SPATA16: variants seen among roughly 807,000 people sequenced by gnomAD.
The protein encoded by SPATA16 is spermatogenesis-associated protein 16.
SPATA16 carries 36 observed loss-of-function variants against 63.3 expected under a neutral mutation model. That is an observed-to-expected ratio of 0.57 (90% CI 0.44 to 0.75). The LOEUF (loss-of-function observed/expected upper bound fraction) is 0.75. SPATA16 is among the 30% of genes least tolerant of loss of function. SPATA16 has a pLI of 0.00. For synonymous variants in SPATA16, 203 were observed against 216.7 expected, an observed-to-expected ratio of 0.94 and a Z score of 0.56; for missense variants, 646 against 679.3, an observed-to-expected ratio of 0.95 and a Z score of 0.54.
chr3:173,052,991 T>C (rs1232466605), intron 2 of SPATA16, among the ~76,000 whole-genome samples: 2 of 152,174 alleles, frequency 1.3e-5, no homozygotes, highest in Non-Finnish European at 2.9e-5. Context: ...AAAGTCAATA[T>C]TTAAGGAAAA....
intron 5 of SPATA16, among the ~76,000 whole-genome samples, chr3:172,967,397 G>A (rs1733940467): frequency 6.6e-6 from 1 of 152,206 alleles, no homozygotes; most frequent in Non-Finnish European, 1.5e-5. Context: ...CATTTCTGAA[G>A]AAGATACAAA....
intron 4 of SPATA16, among the ~76,000 whole-genome samples, chr3:172,983,158 C>A (rs1389665135): frequency 6.6e-6 from 1 of 152,214 alleles, no homozygotes; most frequent in East Asian, 1.9e-4. Flanking sequence ...ATAGCATCTT[C>A]TGCAGTTTTA....
chr3:172,976,086 C>G (rs1734152711), intron 5 of SPATA16, among the ~76,000 whole-genome samples: 1 of 152,032 alleles, frequency 6.6e-6, no homozygotes, highest in South Asian at 2.1e-4. Context: ...TCCACACAGT[C>G]TGGAGAAGAG....
intron 5 of SPATA16, among the ~76,000 whole-genome samples, chr3:172,962,192 G>A (rs1223474710): frequency 7.0e-6 from 1 of 143,464 alleles, no homozygotes; most frequent in East Asian, 2.1e-4. Context: ...AGTGGAGGTT[G>A]CAGTGAGCAG....
At chr3:173,003,302 A>G (rs1734867384) in intron 4 of SPATA16, among the ~76,000 whole-genome samples, 1 of 152,196 alleles carries the variant, frequency 6.6e-6, no homozygotes. Flanking sequence ...TGCTCAGTAA[A>G]TATACTTAAT....
At chr3:172,984,589 C>T (rs960968409) in intron 4 of SPATA16, among the ~76,000 whole-genome samples, 1 of 152,154 alleles carries the variant, frequency 6.6e-6, no homozygotes, top group African/African-American at 2.4e-5. Flanking sequence ...TTGCCTGATT[C>T]TAATATCTGG....
chr3:173,046,572 C>T (rs1445928726), intron 3 of SPATA16, among the ~76,000 whole-genome samples: 1 of 151,892 alleles, frequency 6.6e-6, no homozygotes, highest in Non-Finnish European at 1.5e-5. Context: ...AGAGAAGATG[C>T]TTCAGCAAAT....
At chr3:173,009,907 C>T (rs907969319) in intron 4 of SPATA16, among the ~76,000 whole-genome samples, 3 of 152,216 alleles carry the variant, frequency 2.0e-5, no homozygotes, top group African/African-American at 7.2e-5. Context: ...GCTTAAATAC[C>T]CTTTAGACGT....
intron 4 of SPATA16, among the ~76,000 whole-genome samples, chr3:172,999,818 C>G (rs1335599306): frequency 1.3e-5 from 2 of 152,168 alleles, no homozygotes; most frequent in Non-Finnish European, 2.9e-5. Context: ...TGGCTAGAAA[C>G]ATCAATTTTA....
chr3:173,123,077 G>T (rs532506598), intron 1 of SPATA16, among the ~76,000 whole-genome samples: 1 of 152,180 alleles, frequency 6.6e-6, no homozygotes, highest in African/African-American at 2.4e-5. Flanking sequence ...TTCTATCTGA[G>T]AACCCTCAAG....
At chr3:173,100,324 G>A (rs956661002) in intron 2 of SPATA16, among the ~76,000 whole-genome samples, 1 of 152,070 alleles carries the variant, frequency 6.6e-6, no homozygotes, top group African/African-American at 2.4e-5. Flanking sequence ...TTTGAGGCTA[G>A]TATTAGGGCT....
At chr3:173,083,314 C>T (rs1439525989) in intron 2 of SPATA16, among the ~76,000 whole-genome samples, 1 of 151,908 alleles carries the variant, frequency 6.6e-6, no homozygotes, top group African/African-American at 2.4e-5. Flanking sequence ...AGACAGAAAA[C>T]TAGAAACATT....
chr3:173,041,903 T>G, intron 3 of SPATA16, among the ~76,000 whole-genome samples: 1 of 152,084 alleles, frequency 6.6e-6, no homozygotes. Context: ...TGTATACATA[T>G]GTAACAAACC....
intron 4 of SPATA16, among the ~76,000 whole-genome samples, chr3:172,987,447 A>G (rs1450000803): frequency 6.6e-6 from 1 of 152,320 alleles, no homozygotes; most frequent in African/African-American, 2.4e-5. Context: ...ACAGTCAAGC[A>G]TCAGTTCTTG....
At chr3:173,041,965 G>T (rs2108290077) in intron 3 of SPATA16, among the ~76,000 whole-genome samples, 1 of 152,144 alleles carries the variant, frequency 6.6e-6, no homozygotes, top group South Asian at 2.1e-4. Flanking sequence ...ATAAAAAAAA[G>T]AAGAGGTTAT....
At chr3:172,904,799 C>T (rs888128688) in intron 10 of SPATA16, among the ~76,000 whole-genome samples, 2 of 152,214 alleles carry the variant, frequency 1.3e-5, no homozygotes. Context: ...CTCCATTCCA[C>T]AGGCGAGGCT....
At position 173,028,023 on chromosome 3, in the gene SPATA16, T is replaced by TTCCTTCC. The variant is rs1553794825; in HGVS notation, c.759-8449_759-8448insGGAAGGA. Among the ~76,000 whole-genome samples, 81 of 36,658 alleles carry TTCCTTCC rather than the reference T, an allele frequency of 2.2e-3. 5 individuals are homozygous for TTCCTTCC. The highest frequency in any genetic ancestry group is 3.2e-3 in the Admixed American group (8 of 2,492). The allele number at this position is 36,658 out of a possible 152,430, so 24.0% of individuals were successfully genotyped here. On this transcript the variant is annotated intron_variant, in intron 3 of 10. Transcript: ENST00000351008. ...CCTCCCTCCCTCCCTCCCTTCCTTC[T>TTCCTTCC]TTCCTTCCTTCCTTCCTTCCTTCCT...
intron 6 of SPATA16, among the ~76,000 whole-genome samples, chr3:172,945,020 A>G (rs1733246985): frequency 1.3e-5 from 2 of 152,230 alleles, no homozygotes; most frequent in Admixed American, 6.5e-5. Context: ...AAAAGGAATA[A>G]TAAACAAATT....
chr3:172,929,834 A>C (rs1214245123), intron 6 of SPATA16, among the ~76,000 whole-genome samples: 1 of 152,240 alleles, frequency 6.6e-6, no homozygotes, highest in East Asian at 1.9e-4. Context: ...AGTTAGTTAA[A>C]ATAGAGCAAA....
Sources: allele counts gnomAD v4.1 joint callset (sites outside exome capture counted in the v4.1 genomes callset), GRCh38; gene constraint gnomAD v4.1.1; transcripts MANE v1.5; gene names NCBI Gene and HGNC (gene_info 2026-07-23, HGNC 2026-07-21).